Variants in CARMIL1 observed in about 807,000 individuals in gnomAD.
CARMIL1 encodes capping protein regulator and myosin 1 linker 1, also known as F-actin-uncapping protein LRRC16A.
Under a neutral mutation model 177.1 loss-of-function variants are expected in CARMIL1, and 90 were observed. The observed-to-expected ratio is 0.51, with a 90% CI of 0.43 to 0.61. The LOEUF (loss-of-function observed/expected upper bound fraction) is 0.61. Ranked by LOEUF, CARMIL1 falls within the 20% of genes least tolerant of loss-of-function variation. The pLI is 0.00. For synonymous variants in CARMIL1, 577 were observed against 606.2 expected, an observed-to-expected ratio of 0.95 and a Z score of 0.71; for missense variants, 1,380 against 1,667.0, an observed-to-expected ratio of 0.83 and a Z score of 3.00.
intron 4 of CARMIL1, among the ~76,000 whole-genome samples, chr6:25,427,761 T>C (rs1189033483): frequency 6.6e-6 from 1 of 152,204 alleles, no homozygotes; most frequent in East Asian, 1.9e-4. Context: ...AACAAGTATG[T>C]AGTGCTTTTT....
intron 15 of CARMIL1, among the ~76,000 whole-genome samples, chr6:25,493,582 T>C (rs1245398019): frequency 3.3e-5 from 5 of 152,122 alleles, no homozygotes; most frequent in Non-Finnish European, 7.4e-5. Context: ...TTCACAGTCA[T>C]ATAGCAGAGA....
intron 29 of CARMIL1, among the ~76,000 whole-genome samples, chr6:25,560,927 A>G (rs1336082627): frequency 6.6e-6 from 1 of 152,188 alleles, no homozygotes; most frequent in Non-Finnish European, 1.5e-5. Context: ...TTCAGTTGTT[A>G]TCCAATTGTT....
intron 2 of CARMIL1, among the ~76,000 whole-genome samples, chr6:25,356,292 C>T (rs1420033914): frequency 1.3e-5 from 2 of 152,124 alleles, no homozygotes; most frequent in Non-Finnish European, 2.9e-5. Flanking sequence ...CTCCTGACCT[C>T]ATGATCCACC....
rs903719427 is a variant in CARMIL1 at position 25,415,489 on chromosome 6, C to G, written c.139-4625C>G. On this transcript the variant is annotated intron_variant, in intron 2 of 36. Transcript: ENST00000329474. ...CCCACCCCCCACCCCCACTCCCCCA[C>G]TGGTAGTGGGAGCGTTATTCCCTAA... is the stretch of plus-strand genomic sequence containing the variant. Among the ~76,000 whole-genome samples, 6 of 142,902 alleles carry G rather than the reference C, an allele frequency of 4.2e-5. No homozygotes were observed. In the Admixed American group the frequency reaches 4.3e-4, roughly 10 times the overall value. The allele number at this position is 142,902 out of a possible 152,430, so 93.7% of individuals were successfully genotyped here. A position where few individuals can be genotyped will look rare whatever the true frequency, so the allele number is the denominator to read the frequency against.
At chr6:25,361,860 T>C (rs928458716) in intron 2 of CARMIL1, among the ~76,000 whole-genome samples, 1 of 152,104 alleles carries the variant, frequency 6.6e-6, no homozygotes, top group Non-Finnish European at 1.5e-5. Flanking sequence ...TGTTATGACA[T>C]AGCGGGAAGG....
intron 4 of CARMIL1, 22 bp downstream of exon 4, chr6:25,426,582 C>G (rs1195790254): frequency 6.3e-7 from 1 of 1,598,594 alleles, no homozygotes; most frequent in Non-Finnish European, 8.6e-7. Context: ...AAATGGATCA[C>G]TGCAAGATCA....
intron 29 of CARMIL1, among the ~76,000 whole-genome samples, chr6:25,568,271 CTA>C (rs1292304674): frequency 3.9e-5 from 6 of 152,224 alleles, no homozygotes; most frequent in African/African-American, 1.4e-4. Flanking sequence ...ATTTGAGAAA[CTA>C]TTTTAGGCAG....
At chr6:25,506,169 A>G (rs1466038554) in intron 17 of CARMIL1, among the ~76,000 whole-genome samples, 2 of 152,254 alleles carry the variant, frequency 1.3e-5, no homozygotes, top group African/African-American at 4.8e-5. Context: ...CAGGCCAGGT[A>G]CGGAATGCAG....
intron 24 of CARMIL1, 67 bp downstream of exon 24, chr6:25,528,960 C>T: frequency 8.2e-7 from 1 of 1,219,632 alleles, no homozygotes; most frequent in Non-Finnish European, 1.2e-6. Context: ...CAAAGGACTT[C>T]TAGCATTCGA....
intron 2 of CARMIL1, among the ~76,000 whole-genome samples, chr6:25,294,357 G>A (rs552728023): frequency 7.2e-5 from 11 of 152,266 alleles, no homozygotes; most frequent in East Asian, 1.9e-4. Context: ...CAGACTCTGG[G>A]GAAATTTATT....
intron 4 of CARMIL1, among the ~76,000 whole-genome samples, chr6:25,427,861 C>T (rs1240343993): frequency 1.3e-5 from 2 of 152,122 alleles, no homozygotes; most frequent in African/African-American, 4.8e-5. Flanking sequence ...TTCCTTCTGC[C>T]ATTACAGAAA....
At chr6:25,546,669 CAAAAAAAA>C (rs58285338) in intron 26 of CARMIL1, among the ~76,000 whole-genome samples, 7 of 115,486 alleles carry the variant, frequency 6.1e-5, no homozygotes, top group Admixed American at 5.4e-4. Context: ...ACAACAACAA[CAAAAAAAA>C]AAAAAAAAAA....
intron 31 of CARMIL1, among the ~76,000 whole-genome samples, chr6:25,585,791 A>T (rs1006668815): frequency 3.3e-5 from 5 of 151,840 alleles, no homozygotes; most frequent in Non-Finnish European, 7.3e-5. Context: ...TTAACAAAGC[A>T]CATCTTGCAC....
At chr6:25,388,617 G>C (rs113374638) in intron 2 of CARMIL1, among the ~76,000 whole-genome samples, 1 of 152,004 alleles carries the variant, frequency 6.6e-6, no homozygotes, top group Non-Finnish European at 1.5e-5. Flanking sequence ...ACCTGCCTTG[G>C]CCTCCCAAAG....
intron 2 of CARMIL1, among the ~76,000 whole-genome samples, chr6:25,378,251 C>T (rs901737047): frequency 6.6e-6 from 1 of 152,208 alleles, no homozygotes; most frequent in Non-Finnish European, 1.5e-5. Context: ...GTACCACTAG[C>T]AGCAGCTAGC....
chr6:25,301,575 C>T (rs1203769587), intron 2 of CARMIL1, among the ~76,000 whole-genome samples: 9 of 152,064 alleles, frequency 5.9e-5, no homozygotes, highest in Admixed American at 1.3e-4. Context: ...CCTGGATGAA[C>T]CCATTGAATA....
intron 1 of CARMIL1, among the ~76,000 whole-genome samples, chr6:25,282,347 T>TGATAAGTTA (rs1781198367): frequency 1.3e-5 from 2 of 152,134 alleles, no homozygotes; most frequent in Non-Finnish European, 2.9e-5. Flanking sequence ...TGCTTGTTTC[T>TGATAAGTTA]CGAGTTCTGA....
At chr6:25,396,169 CTTT>C (rs11402440) in intron 2 of CARMIL1, among the ~76,000 whole-genome samples, 5 of 149,896 alleles carry the variant, frequency 3.3e-5, no homozygotes, top group African/African-American at 2.4e-5. Flanking sequence ...AATTATTCTG[CTTT>C]TTTTTTTTAA....
intron 29 of CARMIL1, among the ~76,000 whole-genome samples, chr6:25,580,672 ATT>A (rs1442687312): frequency 6.6e-6 from 1 of 152,192 alleles, no homozygotes; most frequent in African/African-American, 2.4e-5. Flanking sequence ...AATTAAATTC[ATT>A]CATTGCTCTT....
Sources: gnomAD v4.1 joint callset for allele counts (sites outside exome capture counted in the v4.1 genomes callset) on GRCh38, gnomAD v4.1.1 for gene constraint, MANE v1.5 for transcripts, NCBI Gene and HGNC (gene_info 2026-07-23, HGNC 2026-07-21) for gene names.